The following GRIK2 variants were observed in gnomAD, a reference collection of about 807,000 sequenced individuals.
GRIK2 encodes glutamate receptor ionotropic, kainate 2.
In GRIK2, 32 loss-of-function variants were observed where a neutral mutation model predicts 100.3. The observed-to-expected ratio is 0.32, with a 90% CI of 0.24 to 0.43. The LOEUF is 0.43. Among genes scored for constraint, GRIK2 ranks in the 20% least tolerant of loss-of-function variants. GRIK2 has a pLI of 1.00. For missense variants in GRIK2, 843 were observed against 1,114.9 expected (o/e 0.76, Z 3.47); for synonymous variants, 417 against 389.4 (o/e 1.07, Z -0.83).
chr6:101,433,369 T>C (rs1448856310), intron 2 of GRIK2, among the ~76,000 whole-genome samples: 2 of 152,066 alleles, frequency 1.3e-5, no homozygotes, highest in African/African-American at 4.8e-5. Flanking sequence ...CTTTTATACC[T>C]GCGTGACGTG....
chr6:101,938,850 G>A (rs1312544313), intron 14 of GRIK2, among the ~76,000 whole-genome samples: 4 of 152,076 alleles, frequency 2.6e-5, no homozygotes, highest in Middle Eastern at 3.4e-3. Context: ...CAGGGTTGGC[G>A]ATAAAATGTA....
At chr6:101,950,561 GCTTCT>G (rs1791547936) in intron 14 of GRIK2, among the ~76,000 whole-genome samples, 1 of 152,208 alleles carries the variant, frequency 6.6e-6, no homozygotes. Context: ...CCTTTTTAGG[GCTTCT>G]CTTATCTTCC....
chr6:102,002,243 A>G (rs1275604553), intron 14 of GRIK2, among the ~76,000 whole-genome samples: 2 of 149,478 alleles, frequency 1.3e-5, no homozygotes, highest in South Asian at 2.1e-4. Context: ...TGATTTTTTA[A>G]GCTAAATGCC....
At chr6:101,846,661 GT>G (rs1783828145) in intron 10 of GRIK2, among the ~76,000 whole-genome samples, 1 of 151,944 alleles carries the variant, frequency 6.6e-6, no homozygotes, top group African/African-American at 2.4e-5. Context: ...TTCTTTGGAG[GT>G]TCTGGATGAC....
At chr6:101,739,474 G>A (rs1046550241) in intron 7 of GRIK2, among the ~76,000 whole-genome samples, 7 of 152,124 alleles carry the variant, frequency 4.6e-5, no homozygotes, top group African/African-American at 4.8e-5. Context: ...TTGGGTTCTC[G>A]TTCAGGCTCT....
chr6:101,651,537 C>G (rs765893188), intron 4 of GRIK2, among the ~76,000 whole-genome samples: 1 of 151,848 alleles, frequency 6.6e-6, no homozygotes, highest in East Asian at 1.9e-4. Flanking sequence ...ATAAGTGCAA[C>G]AGAAAAAAAT....
intron 2 of GRIK2, among the ~76,000 whole-genome samples, chr6:101,608,639 GCA>G (rs1002582534): frequency 1.3e-5 from 2 of 151,864 alleles, no homozygotes; most frequent in Non-Finnish European, 2.9e-5. Flanking sequence ...TGGAGTAAAT[GCA>G]CAAGAGGTTA....
At chr6:101,738,145 A>T (rs1732458996) in intron 7 of GRIK2, among the ~76,000 whole-genome samples, 1 of 151,618 alleles carries the variant, frequency 6.6e-6, no homozygotes, top group Admixed American at 6.6e-5. Context: ...TATACAATTG[A>T]CACATTAAAT....
At chr6:101,465,238 C>T (rs919814305) in intron 2 of GRIK2, among the ~76,000 whole-genome samples, 3 of 151,908 alleles carry the variant, frequency 2.0e-5, no homozygotes, top group African/African-American at 7.2e-5. Flanking sequence ...TACATTGTAC[C>T]CATTAAGTAA....
chr6:101,771,948 G>T (rs1055448289), intron 7 of GRIK2, among the ~76,000 whole-genome samples: 6 of 152,004 alleles, frequency 3.9e-5, no homozygotes, highest in African/African-American at 1.5e-4. Context: ...GGACATTTGG[G>T]TTGGTTCCAA....
intron 11 of GRIK2, among the ~76,000 whole-genome samples, chr6:101,880,939 C>A (rs1318482022): frequency 6.6e-6 from 1 of 151,854 alleles, no homozygotes; most frequent in Non-Finnish European, 1.5e-5. Context: ...ATATTGTCTT[C>A]ATTTCAGCAA....
At chr6:101,934,899 T>C (rs1163338003) in intron 14 of GRIK2, among the ~76,000 whole-genome samples, 2 of 152,010 alleles carry the variant, frequency 1.3e-5, no homozygotes, top group African/African-American at 4.8e-5. Flanking sequence ...CCACTTTGCA[T>C]ATGCAGAAAA....
chr6:102,008,489 C>G (rs183599803), intron 14 of GRIK2, among the ~76,000 whole-genome samples: 61 of 152,122 alleles, frequency 4.0e-4, no homozygotes, highest in Admixed American at 3.7e-3. Flanking sequence ...TTTATATGGA[C>G]ACACCAAGAG....
At chr6:101,431,396 C>T (rs548968197) in intron 2 of GRIK2, 1 of 152,292 alleles carries the variant, frequency 6.6e-6, no homozygotes, top group South Asian at 2.1e-4. Flanking sequence ...CAAGTCTTTA[C>T]TCTGACAGAG....
intron 10 of GRIK2, among the ~76,000 whole-genome samples, chr6:101,845,450 A>G (rs1292128448): frequency 2.0e-5 from 3 of 152,128 alleles, no homozygotes; most frequent in African/African-American, 4.8e-5. Context: ...CACTTAGCAT[A>G]ATATTTTCAA....
At chr6:101,541,934 C>T (rs576221397) in intron 2 of GRIK2, among the ~76,000 whole-genome samples, 11 of 151,874 alleles carry the variant, frequency 7.2e-5, no homozygotes, top group South Asian at 6.2e-4. Flanking sequence ...TGTACTATTT[C>T]GTTACAGATC....
intron 15 of GRIK2, among the ~76,000 whole-genome samples, chr6:102,044,555 C>CCAT (rs1174143390): frequency 6.6e-6 from 1 of 151,882 alleles, no homozygotes; most frequent in Non-Finnish European, 1.5e-5. Context: ...CTTGATGAAA[C>CCAT]CATCAGATCT....
chr6:101,506,804 C>A (rs1774047299), intron 2 of GRIK2, among the ~76,000 whole-genome samples: 1 of 152,058 alleles, frequency 6.6e-6, no homozygotes. Flanking sequence ...GGAAAGTTTG[C>A]AGAAATGAGT....
chr6:101,973,162 CT>C (rs1793163937), intron 14 of GRIK2, among the ~76,000 whole-genome samples: 1 of 151,858 alleles, frequency 6.6e-6, no homozygotes, highest in Non-Finnish European at 1.5e-5. Context: ...GGCATAAAAA[CT>C]TCAGCGGCTG....
Sources: allele counts gnomAD v4.1 joint callset (sites outside exome capture counted in the v4.1 genomes callset), GRCh38; gene constraint gnomAD v4.1.1; transcripts MANE v1.5; gene names NCBI Gene and HGNC (gene_info 2026-07-23, HGNC 2026-07-21).